The following IRF2BP2 variants were observed in gnomAD, a reference collection of about 807,000 sequenced individuals.
IRF2BP2 encodes interferon regulatory factor 2-binding protein 2.
IRF2BP2 carries 13 observed loss-of-function variants against 32.7 expected under a neutral mutation model. That is an observed-to-expected ratio of 0.40 (90% CI 0.26 to 0.63). The LOEUF is 0.63. Among genes scored for constraint, IRF2BP2 ranks in the 30% least tolerant of loss-of-function variants. The pLI is 0.42. For synonymous variants in IRF2BP2, 555 were observed against 384.6 expected (o/e 1.44, Z -5.18); for missense variants, 980 against 830.6 (o/e 1.18, Z -2.21).
At position 234,604,427 on chromosome 1, in the gene IRF2BP2, G is replaced by A. The variant is rs75931303; in HGVS notation, c.*2710C>T. 1.3e-5 allele frequency: 2 copies of A among 152,220 alleles called. No homozygotes were observed. The highest frequency in any genetic ancestry group is 2.9e-5 in the Non-Finnish European group (2 of 68,014). 9.4% of individuals were successfully genotyped at this position (152,220 alleles called of 1,614,324 possible). On this transcript the variant is annotated 3_prime_UTR_variant, in exon 2 of 2. Transcript: ENST00000366609. ...AGATTACACTCACTTCAGTTGACAT[G>A]AGTTTCATCATATATAGAAAAAGTA... is the stretch of plus-strand genomic sequence containing the variant.
chr1:234,609,011 A>G lies in IRF2BP2; in HGVS notation c.484T>C (p.Phe162Leu), dbSNP rs1672262198. ...PVNGILVPNG[F>L]SKLEEPPELN... ...TCGGGCGGCTCCTCTAGCTTGGAGAAGCCGTTGGGCACCAGGATGCCGTTC... is the reference window on the plus strand; with the variant it reads ...TCGGGCGGCTCCTCTAGCTTGGAGAGGCCGTTGGGCACCAGGATGCCGTTC... The change falls in exon 1 of 2, where the codon TTC (phenylalanine) becomes CTC (leucine). Residue 162 changes from phenylalanine (F) to leucine (L), a missense_variant. Physicochemically the swap from Phe to Leu is conservative, Grantham distance 22. Transcript: ENST00000366609. 2.6e-5 allele frequency: 35 copies of G among 1,335,488 alleles called. No individual in the cohort carries two copies. Among genetic ancestry groups the G allele is most frequent in the Non-Finnish European group, 3.2e-5 (34 of 1,047,694 alleles). 82.7% of individuals were successfully genotyped at this position (1,335,488 alleles called of 1,614,324 possible).
intron 1 of IRF2BP2, chr1:234,608,179 T>A (rs1672219604): frequency 3.8e-6 from 2 of 524,576 alleles, no homozygotes; most frequent in Non-Finnish European, 6.7e-6. Flanking sequence ...AAAAGGTGAC[T>A]GGTGCCCTCA....
At position 234,609,068 on chromosome 1, in the gene IRF2BP2, C is replaced by T. The variant is rs1350276634; in HGVS notation, c.427G>A (p.Ala143Thr). The T allele has an allele frequency of 1.0e-5, 13 of 1,265,990 alleles. 1 individual carries two copies. The highest frequency in any genetic ancestry group is 5.6e-4 in the Middle Eastern group (2 of 3,594). The allele number at this position is 1,265,990 out of a possible 1,614,324, so 78.4% of individuals were successfully genotyped here. Residue 143 changes from alanine to threonine, a missense_variant, in exon 1 of 2, where the codon GCC becomes ACC. Transcript: ENST00000366609. ...FGSSRPAASL[A>T]QPPTPQPPPV... ...GGCGGCTGCGGCGTCGGCGGCTGGG[C>T]CAGGCTCGCTGCCGGGCGGCTGCTG...
Position 234,609,543 on chromosome 1 carries a change from G to A in IRF2BP2, c.-49C>T, listed in dbSNP as rs1011053019. 23 of 1,200,052 alleles carry A rather than the reference G, an allele frequency of 1.9e-5. No homozygotes were observed. The African/African-American group carries it at 2.6e-4, about 14-fold the overall frequency. The allele number at this position is 1,200,052 out of a possible 1,614,324, so 74.3% of individuals were successfully genotyped here. ...AGGAGGAGGCGGAGGAGGAGGAGGG[G>A]GCGCCGCCGCCGCCCCCCACCGGCA... On this transcript the variant is annotated 5_prime_UTR_variant, in exon 1 of 2. Coordinates refer to ENST00000366609, the MANE Select transcript of IRF2BP2 (RefSeq NM_182972.3).
In IRF2BP2 at chr1:234,608,764, C is replaced by T. The variant is rs1436297762; in HGVS notation, c.731G>A (p.Ser244Asn). Residue 244 changes from serine to asparagine, a missense_variant, in exon 1 of 2, where the codon AGC (serine) becomes AAC (asparagine). Coordinates refer to ENST00000366609, the MANE Select transcript of IRF2BP2 (RefSeq NM_182972.3). ...AHKRPASVSS[S>N]AAVEHEQREA... ...ACGCTGCTCGTGCTCCACGGCAGCGCTGCTCGACACGGATGCCGGCCGCTT... is the reference window on the plus strand; with the variant it reads ...ACGCTGCTCGTGCTCCACGGCAGCGTTGCTCGACACGGATGCCGGCCGCTT... The T allele has an allele frequency of 2.0e-6, 3 of 1,470,120 alleles. No homozygotes were observed. The highest frequency in any genetic ancestry group is 1.8e-6 in the Non-Finnish European group (2 of 1,120,356). The allele number at this position is 1,470,120 out of a possible 1,614,324, so 91.1% of individuals were successfully genotyped here.
In IRF2BP2 at chr1:234,609,172, G is replaced by C; in HGVS notation, c.323C>G (p.Pro108Arg). ...GCGCTCCAAGGCCTGCGGCGCGCGCGGGGCCGCCTCGGGGCCGCCGTGGCC... is the reference window on the plus strand; with the variant it reads ...GCGCTCCAAGGCCTGCGGCGCGCGCCGGGCCGCCTCGGGGCCGCCGTGGCC... ...QLGHGGPEAA[P>R]RAPQALERYP... The change falls in exon 1 of 2, where the codon CCG becomes CGG. Residue 108 changes from proline (P) to arginine (R), a missense_variant. Coordinates refer to ENST00000366609, the MANE Select transcript of IRF2BP2 (RefSeq NM_182972.3). 1 of 1,276,452 alleles carries C rather than the reference G, an allele frequency of 7.8e-7. No homozygotes were observed. The highest frequency in any genetic ancestry group is 2.6e-5 in the South Asian group (1 of 38,864). 79.1% of individuals were successfully genotyped at this position (1,276,452 alleles called of 1,614,324 possible). A position where few individuals can be genotyped will look rare whatever the true frequency, so the allele number is the denominator to read the frequency against.
Position 234,605,878 on chromosome 1 carries a change from T to C in IRF2BP2, c.*1259A>G, listed in dbSNP as rs565692828. On this transcript the variant is annotated 3_prime_UTR_variant, in exon 2 of 2. Transcript: ENST00000366609. ...TAAAAATATTTTGAGAGGTGGGGCC[T>C]GTCTATTATATAAAACCCTTAATTT... 1 of 150,400 alleles carries C rather than the reference T, an allele frequency of 6.6e-6. No individual in the cohort carries two copies. Among genetic ancestry groups the C allele is most frequent in the Non-Finnish European group, 1.5e-5 (1 of 67,932 alleles). The allele number at this position is 150,400 out of a possible 1,614,324, so 9.3% of individuals were successfully genotyped here. A position where few individuals can be genotyped will look rare whatever the true frequency, so the allele number is the denominator to read the frequency against.
In IRF2BP2 at chr1:234,608,768, T is replaced by A; in HGVS notation, c.727A>T (p.Ser243Cys). The change falls in exon 1 of 2, where the codon AGC becomes TGC. Residue 243 changes from serine (S) to cysteine (C), a missense_variant. By Grantham distance (112) the Ser-to-Cys change is moderately radical. Transcript: ENST00000366609. The stretch of plus-strand genomic sequence containing the variant: ...TGCTCGTGCTCCACGGCAGCGCTGC[T>A]CGACACGGATGCCGGCCGCTTGTGG... ...GAHKRPASVSSSAAVEHEQRE... is the reference protein window; with the variant it reads ...GAHKRPASVSCSAAVEHEQRE... 6.8e-7 allele frequency: 1 copy of A among 1,466,556 alleles called. No homozygotes were observed. Among genetic ancestry groups the A allele is most frequent in the Non-Finnish European group, 8.9e-7 (1 of 1,118,346 alleles). The allele number at this position is 1,466,556 out of a possible 1,614,324, so 90.8% of individuals were successfully genotyped here.
In IRF2BP2 at chr1:234,607,584, A is replaced by G. The variant is rs761405543; in HGVS notation, c.1317T>C (p.His439=). The G allele has an allele frequency of 2.5e-6, 4 of 1,614,230 alleles. No homozygotes were observed. Among genetic ancestry groups the G allele is most frequent in the Middle Eastern group, 1.6e-4 (1 of 6,062 alleles). The change falls in exon 2 of 2, where the codon CAT becomes CAC. Residue 439 remains histidine (H), a synonymous_variant. Transcript: ENST00000366609. ...GAACCTGGTTGGCATCTTTTGAGGC[A>G]TGACTGCCCCCTGCATTGTCTGCTA... ...ILVADNAGGS[H]ASKDANQVHS...
chr1:234,609,516 G>A lies in IRF2BP2; in HGVS notation c.-22C>T, dbSNP rs1451373667. ...CCATGTCCGAGGAGCCCGCGACGCCGGAGGAGGAGGCGGAGGAGGAGGAGG... is the reference window on the plus strand; with the variant it reads ...CCATGTCCGAGGAGCCCGCGACGCCAGAGGAGGAGGCGGAGGAGGAGGAGG... On this transcript the variant is annotated 5_prime_UTR_variant, in exon 1 of 2. Transcript: ENST00000366609. 11 of 1,423,552 alleles carry A rather than the reference G, an allele frequency of 7.7e-6. No individual in the cohort carries two copies. The highest frequency in any genetic ancestry group is 1.5e-5 in the African/African-American group (1 of 67,154). 88.2% of individuals were successfully genotyped at this position (1,423,552 alleles called of 1,614,324 possible). A position where few individuals can be genotyped will look rare whatever the true frequency, so the allele number is the denominator to read the frequency against.
rs776469706 is a variant in IRF2BP2 at position 234,609,099 on chromosome 1, G to A, written c.396C>T (p.Asp132=). 15 of 1,235,978 alleles carry A rather than the reference G, an allele frequency of 1.2e-5. No individual in the cohort carries two copies. The highest frequency in any genetic ancestry group is 4.7e-5 in the African/African-American group (3 of 63,762). 76.6% of individuals were successfully genotyped at this position (1,235,978 alleles called of 1,614,324 possible). Residue 132 remains aspartate, a synonymous_variant, in exon 1 of 2, where the codon GAC becomes GAT. Coordinates refer to ENST00000366609, the MANE Select transcript of IRF2BP2 (RefSeq NM_182972.3). ...TCGCTGCCGGGCGGCTGCTGCCGAA[G>A]TCAGAGCCGAGGCGCGGGGGCCTCT... ...AAERPPRLGS[D]FGSSRPAASL...
chr1:234,607,869 A>G lies in IRF2BP2; in HGVS notation c.1049-17T>C, dbSNP rs1197640859. ...TTCTTGCAACTGGAAACACAAAGAA[A>G]TAAAAGGAAAAAGGTAACATAAGTG... On this transcript the variant is annotated splice_polypyrimidine_tract_variant and intron_variant, in intron 1 of 1. Coordinates refer to ENST00000366609, the MANE Select transcript of IRF2BP2 (RefSeq NM_182972.3). 2.0e-6 allele frequency: 3 copies of G among 1,528,110 alleles called. No individual in the cohort carries two copies. The highest frequency in any genetic ancestry group is 1.8e-6 in the Non-Finnish European group (2 of 1,135,734). The allele number at this position is 1,528,110 out of a possible 1,614,324, so 94.7% of individuals were successfully genotyped here. A position where few individuals can be genotyped will look rare whatever the true frequency, so the allele number is the denominator to read the frequency against.
At position 234,607,488 on chromosome 1, in the gene IRF2BP2, G is replaced by C; in HGVS notation, c.1413C>G (p.Pro471=). 1 of 1,614,108 alleles carries C rather than the reference G, an allele frequency of 6.2e-7. No individual in the cohort carries two copies. Among genetic ancestry groups the C allele is most frequent in the Non-Finnish European group, 8.5e-7 (1 of 1,179,948 alleles). The change falls in exon 2 of 2, where the codon CCC becomes CCG. Residue 471 remains proline (P), a synonymous_variant. Transcript: ENST00000366609. ...PSSMNQRRLG[P]REVGGQGAGN... ...CTGCTCCCTGGCCCCCCACCTCTCT[G>C]GGGCCCAGCCTTCTTTGGTTCATAG... is the stretch of plus-strand genomic sequence containing the variant.
chr1:234,609,005 T>C lies in IRF2BP2; in HGVS notation c.490A>G (p.Lys164Glu). The C allele has an allele frequency of 1.5e-6, 2 of 1,336,672 alleles. No homozygotes were observed. Among genetic ancestry groups the C allele is most frequent in the Non-Finnish European group, 1.9e-6 (2 of 1,048,340 alleles). 82.8% of individuals were successfully genotyped at this position (1,336,672 alleles called of 1,614,324 possible). Residue 164 changes from lysine (K) to glutamate (E), a missense_variant, in exon 1 of 2, where the codon AAG becomes GAG. Lys to Glu is a moderately conservative substitution (Grantham distance 56, BLOSUM62 1). Transcript: ENST00000366609. ...NGILVPNGFS[K>E]LEEPPELNRQ... Reference sequence around the variant, plus strand: ...TTCAGCTCGGGCGGCTCCTCTAGCTTGGAGAAGCCGTTGGGCACCAGGATG... The same window carrying C: ...TTCAGCTCGGGCGGCTCCTCTAGCTCGGAGAAGCCGTTGGGCACCAGGATG...
At position 234,607,215 on chromosome 1, in the gene IRF2BP2, G is replaced by A. The variant is rs199881130; in HGVS notation, c.1686C>T (p.Val562=). The A allele has an allele frequency of 5.6e-6, 9 of 1,614,078 alleles. No individual in the cohort carries two copies. The highest frequency in any genetic ancestry group is 2.2e-5 in the East Asian group (1 of 44,896). Residue 562 remains valine, a synonymous_variant, in exon 2 of 2, where the codon GTC becomes GTT. Transcript: ENST00000366609. The part of the protein sequence containing the change: ...GEKCPLVGSN[V]PWAFMQGEIA... Reference sequence around the variant, plus strand: ...TTTCCCCTTGCATAAAGGCCCAGGGGACATTGGAGCCCACAAGAGGGCATT... The same window carrying A: ...TTTCCCCTTGCATAAAGGCCCAGGGAACATTGGAGCCCACAAGAGGGCATT...
At position 234,606,487 on chromosome 1, in the gene IRF2BP2, G is replaced by A. The variant is rs1371180269; in HGVS notation, c.*650C>T. On this transcript the variant is annotated 3_prime_UTR_variant, in exon 2 of 2. Transcript: ENST00000366609. ...AAAAAAAAAACAAAAAACCCCAAAA[G>A]ACCACACAATCCTGAAAATTTCCCA... 7 of 150,734 alleles carry A rather than the reference G, an allele frequency of 4.6e-5. No individual in the cohort carries two copies. The highest frequency in any genetic ancestry group is 1.5e-4 in the African/African-American group (6 of 41,044). The allele number at this position is 150,734 out of a possible 1,614,324, so 9.3% of individuals were successfully genotyped here.
In IRF2BP2 at chr1:234,605,779, T is replaced by C. The variant is rs1434766782; in HGVS notation, c.*1358A>G. ...GACAACTATTTCTAATAATTGATGA[T>C]TTATTGGTTTTAAAAAAATCATTTT... On this transcript the variant is annotated 3_prime_UTR_variant, in exon 2 of 2. Coordinates refer to ENST00000366609, the MANE Select transcript of IRF2BP2 (RefSeq NM_182972.3). 2 of 152,198 alleles carry C rather than the reference T, an allele frequency of 1.3e-5. No homozygotes were observed. Among genetic ancestry groups the C allele is most frequent in the South Asian group, 4.1e-4 (2 of 4,830 alleles). 9.4% of individuals were successfully genotyped at this position (152,198 alleles called of 1,614,324 possible). A position where few individuals can be genotyped will look rare whatever the true frequency, so the allele number is the denominator to read the frequency against.
Position 234,605,396 on chromosome 1 carries a change from A to G in IRF2BP2, c.*1741T>C, listed in dbSNP as rs953473302. 6.6e-6 allele frequency: 1 copy of G among 152,266 alleles called. No individual in the cohort carries two copies. Among genetic ancestry groups the G allele is most frequent in the Non-Finnish European group, 1.5e-5 (1 of 68,036 alleles). The allele number at this position is 152,266 out of a possible 1,614,324, so 9.4% of individuals were successfully genotyped here. ...TATAACAATGACTGGTAAAACATGA[A>G]TTCTCGCACAGTAGTAATAGGTGCA... On this transcript the variant is annotated 3_prime_UTR_variant, in exon 2 of 2. Coordinates refer to ENST00000366609, the MANE Select transcript of IRF2BP2 (RefSeq NM_182972.3).
In IRF2BP2 at chr1:234,607,056, A is replaced by G; in HGVS notation, c.*81T>C. On this transcript the variant is annotated 3_prime_UTR_variant, in exon 2 of 2. Transcript: ENST00000366609. ...AGTCTACATTTCCCTTGTCTTGGAT[A>G]TATATATATATGGAGATATATATAC... The G allele has an allele frequency of 1.0e-6, 1 of 959,138 alleles. No individual in the cohort carries two copies. 59.4% of individuals were successfully genotyped at this position (959,138 alleles called of 1,614,324 possible).
Sources: gnomAD v4.1 joint callset for allele counts on GRCh38, gnomAD v4.1.1 for gene constraint, MANE v1.5 for transcripts, NCBI Gene and HGNC (gene_info 2026-07-23, HGNC 2026-07-21) for gene names.